Variants in LRRC37A2 observed in about 807,000 individuals in gnomAD.
LRRC37A2 encodes leucine rich repeat containing 37 member A2.
LRRC37A2 carries 9 observed loss-of-function variants against 68.8 expected under a neutral mutation model. The observed-to-expected ratio is 0.13, with a 90% CI of 0.08 to 0.23. LRRC37A2 has a LOEUF of 0.23. Ranked by LOEUF, LRRC37A2 falls within the 10% of genes least tolerant of loss-of-function variation. The probability of loss-of-function intolerance (pLI) is 1.00; values close to 1 mark genes in which losing one functional copy is unlikely to be tolerated. For synonymous variants in LRRC37A2, 63 were observed against 367.6 expected (o/e 0.17, Z 9.48); for missense variants, 168 against 950.4 (o/e 0.18, Z 10.82).
the LRRC37A2 span, among the ~76,000 whole-genome samples, chr17:46,945,562 A>G: frequency 1.2e-4 from 18 of 152,162 alleles, no homozygotes; most frequent in Non-Finnish European, 2.2e-4. Flanking sequence ...ACAGAATTGC[A>G]TCTTTGCTGG....
chr17:46,816,946 C>T, the LRRC37A2 span, among the ~76,000 whole-genome samples: 1 of 152,238 alleles, frequency 6.6e-6, no homozygotes, highest in Non-Finnish European at 1.5e-5. Context: ...AACCTCCTTC[C>T]TGAAGTCCCT....
At chr17:46,533,502 T>C (rs1158799537) in intron 6 of LRRC37A2, among the ~76,000 whole-genome samples, 16 of 147,190 alleles carry the variant, frequency 1.1e-4, no homozygotes, top group South Asian at 2.1e-4. Context: ...TTTTCTTTTT[T>C]TTTTTTTTCT....
At chr17:46,932,552 A>G in the LRRC37A2 span, 1 of 513,836 alleles carries the variant, frequency 1.9e-6, no homozygotes, top group Non-Finnish European at 3.4e-6. Context: ...TTTGTAGAGA[A>G]GGCAGCATTT....
At chr17:46,840,241 C>A in the LRRC37A2 span, among the ~76,000 whole-genome samples, 1 of 151,978 alleles carries the variant, frequency 6.6e-6, no homozygotes, top group South Asian at 2.1e-4. Context: ...TGCCCGACAC[C>A]ACGCCCGGCT....
At chr17:46,912,800 G>C in the LRRC37A2 span, among the ~76,000 whole-genome samples, 1 of 152,194 alleles carries the variant, frequency 6.6e-6, no homozygotes, top group Non-Finnish European at 1.5e-5. Flanking sequence ...GCTGTCCAGA[G>C]TGGAAGCCAT....
chr17:46,742,632 G>A, the LRRC37A2 span, among the ~76,000 whole-genome samples: 1 of 152,204 alleles, frequency 6.6e-6, no homozygotes, highest in East Asian at 1.9e-4. Flanking sequence ...CTGTGGAAAA[G>A]CTGACATTCA....
At chr17:46,831,617 G>A in the LRRC37A2 span, 1 of 152,620 alleles carries the variant, frequency 6.6e-6, no homozygotes, top group Non-Finnish European at 1.5e-5. Flanking sequence ...AGACACCCCT[G>A]AGCACTGCTC....
At chr17:46,931,526 G>C in the LRRC37A2 span, 1 of 411,798 alleles carries the variant, frequency 2.4e-6, no homozygotes, top group African/African-American at 2.0e-5. Context: ...GTTTTGTTCT[G>C]CTCTTTGGTT....
At chr17:46,950,846 TGGG>T in the LRRC37A2 span, among the ~76,000 whole-genome samples, 1 of 152,174 alleles carries the variant, frequency 6.6e-6, no homozygotes, top group Non-Finnish European at 1.5e-5. Context: ...GAAGTGGTCT[TGGG>T]GACCACCAAG....
chr17:47,018,237 C>T, the LRRC37A2 span: 1 of 1,611,808 alleles, frequency 6.2e-7, no homozygotes, highest in South Asian at 1.1e-5. Flanking sequence ...GCCTCCAGTT[C>T]CTCCTATGGA....
chr17:46,783,989 G>A, the LRRC37A2 span, among the ~76,000 whole-genome samples: 23 of 152,292 alleles, frequency 1.5e-4, no homozygotes, highest in African/African-American at 9.6e-5. Flanking sequence ...CGGGGTTGAC[G>A]TGGATGCTAA....
chr17:46,713,566 CA>C, the LRRC37A2 span, among the ~76,000 whole-genome samples: 7 of 152,096 alleles, frequency 4.6e-5, no homozygotes, highest in African/African-American at 1.4e-4. Flanking sequence ...TTTTAAGAAG[CA>C]AAACCCTTAC....
At chr17:46,747,087 C>T in the LRRC37A2 span, among the ~76,000 whole-genome samples, 1 of 152,136 alleles carries the variant, frequency 6.6e-6, no homozygotes, top group Non-Finnish European at 1.5e-5. Flanking sequence ...CAGGTCTTAC[C>T]TGATCATCCT....
the LRRC37A2 span, among the ~76,000 whole-genome samples, chr17:46,815,375 T>C: frequency 6.6e-6 from 1 of 152,086 alleles, no homozygotes; most frequent in South Asian, 2.1e-4. Flanking sequence ...AGGACTGGGG[T>C]CTGAGCAGTG....
chr17:46,780,171 C>T, the LRRC37A2 span, among the ~76,000 whole-genome samples: 268 of 152,350 alleles, frequency 1.8e-3, 1 homozygote, highest in African/African-American at 6.1e-3. Flanking sequence ...CTGTACAGTG[C>T]GTCCTGCCTG....
the LRRC37A2 span, among the ~76,000 whole-genome samples, chr17:46,814,743 G>A: frequency 1.3e-5 from 2 of 152,204 alleles, no homozygotes; most frequent in African/African-American, 4.8e-5. Context: ...GTGCCTCCCT[G>A]GGCCCAGCCC....
chr17:46,763,775 T>G, the LRRC37A2 span: 1 of 150,670 alleles, frequency 6.6e-6, no homozygotes, highest in Non-Finnish European at 1.5e-5. Context: ...AGGAAGCCAT[T>G]TGAGCTAGAG....
the LRRC37A2 span, among the ~76,000 whole-genome samples, chr17:46,774,890 A>G: frequency 6.6e-6 from 1 of 152,200 alleles, no homozygotes. Context: ...GCCTTCAAGG[A>G]CAATTGCAAT....
chr17:46,894,536 G>C, the LRRC37A2 span, among the ~76,000 whole-genome samples: 6 of 152,354 alleles, frequency 3.9e-5, no homozygotes, highest in Middle Eastern at 3.4e-3. Context: ...AGCAGACCTG[G>C]ACTTCAGCTG....
Sources: gnomAD v4.1 joint callset for allele counts (sites outside exome capture counted in the v4.1 genomes callset) on GRCh38, gnomAD v4.1.1 for gene constraint, MANE v1.5 for transcripts, NCBI Gene and HGNC (gene_info 2026-07-23, HGNC 2026-07-21) for gene names.